KMT2C: variants seen among roughly 807,000 people sequenced by gnomAD.
KMT2C encodes histone-lysine N-methyltransferase 2C.
KMT2C carries 88 observed loss-of-function variants against 507.9 expected under a neutral mutation model. The observed-to-expected ratio is 0.17, with a 90% confidence interval of 0.15 to 0.21. The LOEUF (loss-of-function observed/expected upper bound fraction) is 0.21. Among genes scored for constraint, KMT2C ranks in the 10% least tolerant of loss-of-function variants. The probability of loss-of-function intolerance (pLI) is 1.00; values close to 1 mark genes in which losing one functional copy is unlikely to be tolerated. For synonymous variants in KMT2C, 2,049 were observed against 2,080.8 expected (o/e 0.98, Z 0.42); for missense variants, 4,954 against 5,957.8 (o/e 0.83, Z 5.55).
intron 6 of KMT2C, among the ~76,000 whole-genome samples, chr7:152,295,185 T>C (rs1402473143): frequency 3.3e-5 from 5 of 152,260 alleles, no homozygotes; most frequent in South Asian, 2.1e-4. Context: ...TTTACACTCA[T>C]TGGCCTTTAA....
chr7:152,360,789 C>T (rs1000651883), intron 1 of KMT2C, among the ~76,000 whole-genome samples: 2 of 150,788 alleles, frequency 1.3e-5, no homozygotes, highest in Admixed American at 6.6e-5. Flanking sequence ...GCAGAAGTTG[C>T]GGTGAGCCGA....
At chr7:152,243,705 A>C (rs773068374) in intron 14 of KMT2C, among the ~76,000 whole-genome samples, 42 of 152,150 alleles carry the variant, frequency 2.8e-4, no homozygotes, top group Non-Finnish European at 5.1e-4. Context: ...GAACTGCTTG[A>C]GCCAGGGAGG....
intron 2 of KMT2C, among the ~76,000 whole-genome samples, chr7:152,340,405 G>A (rs1256778172): frequency 1.3e-5 from 2 of 152,104 alleles, no homozygotes; most frequent in Admixed American, 6.5e-5. Context: ...AAGAAATTGT[G>A]TAACCATGTC....
chr7:152,251,425 AG>A (rs1297168407), intron 11 of KMT2C, among the ~76,000 whole-genome samples: 1 of 152,232 alleles, frequency 6.6e-6, no homozygotes, highest in Non-Finnish European at 1.5e-5. Context: ...GTTTTACAAA[AG>A]CTGCCACTCA....
At chr7:152,139,085 C>A in intron 57 of KMT2C, 101 bp downstream of exon 57, 1 of 1,190,310 alleles carries the variant, frequency 8.4e-7, no homozygotes, top group Admixed American at 1.8e-5. Flanking sequence ...TTAGTCACCG[C>A]CAGGCTGCCG....
chr7:152,406,168 G>A (rs2097612809), intron 1 of KMT2C, among the ~76,000 whole-genome samples: 3 of 151,920 alleles, frequency 2.0e-5, no homozygotes, highest in African/African-American at 7.3e-5. Flanking sequence ...AAATGGGCTG[G>A]GTGCAGCTGG....
intron 1 of KMT2C, among the ~76,000 whole-genome samples, chr7:152,381,118 C>T (rs1219560310): frequency 6.6e-6 from 1 of 152,154 alleles, no homozygotes; most frequent in Admixed American, 6.5e-5. Context: ...AGTGGTCAGT[C>T]ATCAAGTTTT....
chr7:152,295,498 C>T (rs2096483057), intron 6 of KMT2C, among the ~76,000 whole-genome samples: 1 of 152,190 alleles, frequency 6.6e-6, no homozygotes, highest in Non-Finnish European at 1.5e-5. Flanking sequence ...TGTTAATCTA[C>T]TGAAACTTAC....
At chr7:152,352,968 C>T (rs1382010424) in intron 2 of KMT2C, among the ~76,000 whole-genome samples, 2 of 152,026 alleles carry the variant, frequency 1.3e-5, no homozygotes, top group African/African-American at 4.8e-5. Context: ...TTATAATTAG[C>T]TAATTATAGT....
At position 152,212,978 on chromosome 7, in the gene KMT2C, G is replaced by A. The variant is rs184339125; in HGVS notation, c.3713-5550C>T. On this transcript the variant is annotated intron_variant, in intron 23 of 58. Transcript: ENST00000262189. ...CAGAATTGCTTGAACCCAGGAGGCG[G>A]CAGAGGTTGCAGTGAGCGGAGATCA... Among the ~76,000 whole-genome samples, 13 of 152,356 alleles carry A rather than the reference G, an allele frequency of 8.5e-5. No homozygotes were observed. The East Asian group carries it at 2.5e-3, about 29-fold the overall frequency.
rs2129128817 is a variant in KMT2C at position 152,194,043 on chromosome 7, G to T, written c.4626C>A (p.Pro1542=). Residue 1542 remains proline, a synonymous_variant, in exon 31 of 59, where the codon CCC becomes CCA. Coordinates refer to ENST00000262189, the MANE Select transcript of KMT2C (RefSeq NM_170606.3). ...GTATTGGCAACAGCTGTGTTGGTGG[G>T]GGAGGCTGTGGCAATGGAGTTGGCT... ...NTQPTPLPQP[P]PPTQLLPIHN... is the part of the protein sequence containing the mutation. 1 of 1,585,154 alleles carries T rather than the reference G, an allele frequency of 6.3e-7. No homozygotes were observed.
At chr7:152,414,799 A>G (rs1471681995) in intron 1 of KMT2C, among the ~76,000 whole-genome samples, 3 of 151,864 alleles carry the variant, frequency 2.0e-5, no homozygotes, top group Non-Finnish European at 2.9e-5. Flanking sequence ...CCTGGCCTTA[A>G]CTATTTTTCA....
At chr7:152,187,110 C>T (rs2093651221) in intron 33 of KMT2C, 152 bp downstream of exon 33, 1 of 641,320 alleles carries the variant, frequency 1.6e-6, no homozygotes, top group East Asian at 2.7e-5. Context: ...AAGTAAAATG[C>T]AAGATGTTTC....
intron 1 of KMT2C, among the ~76,000 whole-genome samples, chr7:152,395,983 A>G (rs2097536036): frequency 6.6e-6 from 1 of 152,204 alleles, no homozygotes; most frequent in South Asian, 2.1e-4. Context: ...TGCCCGCAAC[A>G]ATCCTACAAC....
chr7:152,371,280 A>G (rs570627569), intron 1 of KMT2C, among the ~76,000 whole-genome samples: 4 of 152,226 alleles, frequency 2.6e-5, no homozygotes, highest in Non-Finnish European at 5.9e-5. Flanking sequence ...CGTTAAATGT[A>G]AAGTTGTGGT....
chr7:152,234,457 C>T (rs2095220948), intron 16 of KMT2C, among the ~76,000 whole-genome samples: 1 of 151,936 alleles, frequency 6.6e-6, no homozygotes, highest in Admixed American at 6.6e-5. Context: ...AAGATGGTTT[C>T]ACTAATAAAT....
intron 51 of KMT2C, 126 bp downstream of exon 51, chr7:152,150,774 C>T: frequency 1.5e-6 from 1 of 676,436 alleles, no homozygotes; most frequent in East Asian, 2.9e-5. Context: ...CGGGTCAGCA[C>T]CTGCTTTGGA....
intron 3 of KMT2C, among the ~76,000 whole-genome samples, chr7:152,319,036 T>C (rs950958666): frequency 3.3e-5 from 5 of 152,012 alleles, no homozygotes; most frequent in African/African-American, 4.8e-5. Flanking sequence ...AAGTAGAAAA[T>C]TTCACACCTA....
intron 7 of KMT2C, among the ~76,000 whole-genome samples, chr7:152,268,762 C>G (rs1447013238): frequency 6.6e-6 from 1 of 152,088 alleles, no homozygotes; most frequent in Admixed American, 6.5e-5. Context: ...ATAAACAATT[C>G]ATTTTTCTAT....
Sources: allele counts gnomAD v4.1 joint callset (sites outside exome capture counted in the v4.1 genomes callset), GRCh38; gene constraint gnomAD v4.1.1; transcripts MANE v1.5; gene names NCBI Gene and HGNC (gene_info 2026-07-23, HGNC 2026-07-21).